ERI3: variants seen among roughly 807,000 people sequenced by gnomAD.
ERI3 encodes ERI1 exoribonuclease 3.
Under a neutral mutation model 44.4 loss-of-function variants are expected in ERI3, and 18 were observed. The ratio of observed to expected loss-of-function variants is 0.41; its 90% CI spans 0.28 to 0.60. ERI3 has a LOEUF of 0.60. Among genes scored for constraint, ERI3 ranks in the 20% least tolerant of loss-of-function variants. ERI3 has a pLI of 0.36. For missense variants in ERI3, 294 were observed against 435.5 expected (o/e 0.68, Z 2.89); for synonymous variants, 183 against 164.8 (o/e 1.11, Z -0.84).
intron 6 of ERI3, among the ~76,000 whole-genome samples, chr1:44,304,813 G>C (rs942381617): frequency 6.6e-6 from 1 of 152,112 alleles, no homozygotes; most frequent in Non-Finnish European, 1.5e-5. Context: ...GTGAACTTCA[G>C]GTCCACACCT....
At chr1:44,311,441 C>G (rs535039798) in intron 5 of ERI3, among the ~76,000 whole-genome samples, 1 of 152,118 alleles carries the variant, frequency 6.6e-6, no homozygotes, top group East Asian at 1.9e-4. Flanking sequence ...TGAAGCAGAG[C>G]CCGGTCCGGT....
chr1:44,338,929 G>C, intron 3 of ERI3, 116 bp downstream of exon 3: 1 of 1,253,992 alleles, frequency 8.0e-7, no homozygotes, highest in Non-Finnish European at 1.1e-6. Flanking sequence ...AACTCTAAAT[G>C]AGTAGCTAAA....
intron 7 of ERI3, among the ~76,000 whole-genome samples, chr1:44,277,153 G>A (rs890452970): frequency 6.6e-6 from 1 of 152,156 alleles, no homozygotes; most frequent in African/African-American, 2.4e-5. Flanking sequence ...TCAACCTGCT[G>A]CCACCAAATC....
chr1:44,283,209 C>T (rs1414096676), intron 7 of ERI3, among the ~76,000 whole-genome samples: 1 of 152,178 alleles, frequency 6.6e-6, no homozygotes, highest in African/African-American at 2.4e-5. Context: ...CCTTGGGGGA[C>T]CTCTATGGAA....
At chr1:44,353,478 C>T (rs1361579611) in intron 1 of ERI3, 1 of 985,264 alleles carries the variant, frequency 1.0e-6, no homozygotes, top group Non-Finnish European at 1.2e-6. Flanking sequence ...CTCCAAAGGA[C>T]CAGAAGTTGC....
At chr1:44,277,962 A>G (rs148298140) in intron 7 of ERI3, among the ~76,000 whole-genome samples, 2 of 152,380 alleles carry the variant, frequency 1.3e-5, no homozygotes, top group Admixed American at 1.3e-4. Context: ...TGAGCCACAT[A>G]TGAAACTTAG....
chr1:44,238,388 G>A (rs1644356504), intron 8 of ERI3, among the ~76,000 whole-genome samples: 1 of 152,146 alleles, frequency 6.6e-6, no homozygotes, highest in Non-Finnish European at 1.5e-5. Flanking sequence ...GTAAGGGCCG[G>A]CCTGGGTGTC....
At chr1:44,326,758 A>AT (rs1420774616) in intron 3 of ERI3, among the ~76,000 whole-genome samples, 1 of 152,156 alleles carries the variant, frequency 6.6e-6, no homozygotes, top group African/African-American at 2.4e-5. Flanking sequence ...TAAAAGGCTG[A>AT]TTTTTCACCT....
chr1:44,297,000 G>A (rs1036850104), intron 6 of ERI3, among the ~76,000 whole-genome samples: 6 of 152,122 alleles, frequency 3.9e-5, no homozygotes, highest in Non-Finnish European at 5.9e-5. Context: ...AGTCAGCACC[G>A]TGATTTGTTA....
chr1:44,293,798 T>A (rs1645556753), intron 6 of ERI3, among the ~76,000 whole-genome samples: 1 of 152,216 alleles, frequency 6.6e-6, no homozygotes, highest in Non-Finnish European at 1.5e-5. Flanking sequence ...ATCACCTCAC[T>A]GTCTCCTGTG....
intron 2 of ERI3, among the ~76,000 whole-genome samples, chr1:44,342,697 AG>A (rs1341334122): frequency 6.8e-6 from 1 of 146,198 alleles, no homozygotes; most frequent in Admixed American, 6.8e-5. Context: ...CCCAGGCTGC[AG>A]TGCAGCGGCA....
chr1:44,321,296 T>C (rs1013981016), intron 3 of ERI3, among the ~76,000 whole-genome samples: 1 of 152,046 alleles, frequency 6.6e-6, no homozygotes, highest in Admixed American at 6.6e-5. Context: ...TCTCCAAAGA[T>C]GAGGAAGCTG....
chr1:44,320,941 C>G (rs1352926297), intron 3 of ERI3, among the ~76,000 whole-genome samples: 1 of 152,160 alleles, frequency 6.6e-6, no homozygotes, highest in African/African-American at 2.4e-5. Flanking sequence ...TCCAGCAGCA[C>G]CCCTTCCCCA....
chr1:44,232,395 G>A (rs1352163278), intron 8 of ERI3, among the ~76,000 whole-genome samples: 1 of 152,194 alleles, frequency 6.6e-6, no homozygotes, highest in African/African-American at 2.4e-5. Flanking sequence ...AAGGCTAAAA[G>A]AATCAAGTTT....
At chr1:44,326,344 G>C (rs371038114) in intron 3 of ERI3, among the ~76,000 whole-genome samples, 1 of 152,186 alleles carries the variant, frequency 6.6e-6, no homozygotes, top group African/African-American at 2.4e-5. Context: ...AAGAGGGTAA[G>C]TTGGATGGGA....
chr1:44,232,639 C>T lies in ERI3; in HGVS notation c.932-10999G>A, dbSNP rs1644212054. On this transcript the variant is annotated intron_variant, in intron 8 of 8. Transcript: ENST00000372257. ...GCTGGAGCTCCAACCATCAAATCCA[C>T]ATTCCAGGAAAAAGAAAGGGGGAAG... 2.0e-5 allele frequency among the ~76,000 whole-genome samples: 3 copies of T among 152,158 alleles called. No individual in the cohort carries two copies. In the South Asian group the frequency reaches 6.2e-4, roughly 32 times the overall value.
At chr1:44,349,146 G>A (rs1320043672) in intron 2 of ERI3, among the ~76,000 whole-genome samples, 1 of 151,996 alleles carries the variant, frequency 6.6e-6, no homozygotes, top group Non-Finnish European at 1.5e-5. Context: ...AAAAGTTCTG[G>A]GATTGTTTTT....
chr1:44,335,450 G>A (rs1484804997), intron 3 of ERI3, among the ~76,000 whole-genome samples: 2 of 152,070 alleles, frequency 1.3e-5, no homozygotes, highest in Non-Finnish European at 2.9e-5. Flanking sequence ...CTCCCAGGAG[G>A]CATGCAGACC....
At chr1:44,332,275 C>T (rs974719400) in intron 3 of ERI3, among the ~76,000 whole-genome samples, 25 of 152,126 alleles carry the variant, frequency 1.6e-4, no homozygotes, top group African/African-American at 4.6e-4. Context: ...AGCTCTTCCC[C>T]ACCACCAACC....
Sources: allele counts gnomAD v4.1 joint callset (sites outside exome capture counted in the v4.1 genomes callset), GRCh38; gene constraint gnomAD v4.1.1; transcripts MANE v1.5; gene names NCBI Gene and HGNC (gene_info 2026-07-23, HGNC 2026-07-21).